Variants in PLSCR4 observed in about 807,000 individuals in gnomAD.
The protein encoded by PLSCR4 is phospholipid scramblase 4.
A neutral mutation model predicts 36.3 loss-of-function variants in PLSCR4; 25 were observed. The observed-to-expected ratio is 0.69, with a 90% CI of 0.50 to 0.96. The LOEUF is 0.96. Among genes scored for constraint, PLSCR4 ranks in the 40% least tolerant of loss-of-function variants. The pLI is 0.00. For missense variants in PLSCR4, 408 were observed against 414.7 expected, an observed-to-expected ratio of 0.98 and a Z score of 0.14; for synonymous variants, 122 against 132.9, an observed-to-expected ratio of 0.92 and a Z score of 0.56.
intron 6 of PLSCR4, among the ~76,000 whole-genome samples, chr3:146,197,106 A>G (rs761419828): frequency 1.3e-5 from 2 of 152,174 alleles, no homozygotes; most frequent in Admixed American, 6.6e-5. Context: ...TCTGAAAAAT[A>G]TAAGTATTTT....
chr3:146,249,227 T>G (rs895835295), intron 1 of PLSCR4, among the ~76,000 whole-genome samples: 7 of 152,114 alleles, frequency 4.6e-5, no homozygotes, highest in Admixed American at 6.5e-5. Flanking sequence ...CCACATGCAA[T>G]GTGCACAAAT....
intron 1 of PLSCR4, among the ~76,000 whole-genome samples, chr3:146,222,611 A>C (rs1198695995): frequency 6.6e-6 from 1 of 152,190 alleles, no homozygotes; most frequent in African/African-American, 2.4e-5. Context: ...AGGGAGGAAA[A>C]GAGAAAGTGG....
At chr3:146,249,442 A>G (rs2036465404) in intron 1 of PLSCR4, among the ~76,000 whole-genome samples, 1 of 152,110 alleles carries the variant, frequency 6.6e-6, no homozygotes, top group South Asian at 2.1e-4. Context: ...ATGTATGCTT[A>G]TCAAATGCCA....
intron 1 of PLSCR4, among the ~76,000 whole-genome samples, chr3:146,244,907 GA>G (rs1279626528): frequency 3.9e-5 from 6 of 152,054 alleles, no homozygotes. Context: ...AACGTAAATT[GA>G]AAACTTTCTA....
chr3:146,205,607 T>C (rs1157347635), intron 4 of PLSCR4, among the ~76,000 whole-genome samples: 2 of 152,078 alleles, frequency 1.3e-5, no homozygotes, highest in African/African-American at 4.8e-5. Context: ...CTGTATACTA[T>C]GGATAACATC....
At chr3:146,232,526 T>G (rs1396231995) in intron 1 of PLSCR4, among the ~76,000 whole-genome samples, 1 of 152,188 alleles carries the variant, frequency 6.6e-6, no homozygotes, top group Non-Finnish European at 1.5e-5. Context: ...TCAGCAGTGT[T>G]TTGTAATTCT....
intron 1 of PLSCR4, among the ~76,000 whole-genome samples, chr3:146,228,150 T>C (rs1332499210): frequency 2.6e-5 from 4 of 152,306 alleles, no homozygotes; most frequent in Admixed American, 2.0e-4. Flanking sequence ...CTGTGAAGAC[T>C]AAAACAATTA....
intron 3 of PLSCR4, among the ~76,000 whole-genome samples, chr3:146,212,484 T>C (rs2034678027): frequency 6.8e-6 from 1 of 147,502 alleles, no homozygotes; most frequent in Admixed American, 6.9e-5. Flanking sequence ...AGGGTCTCAG[T>C]CTGTCACCCA....
At chr3:146,239,359 G>C (rs1323642764) in intron 1 of PLSCR4, among the ~76,000 whole-genome samples, 1 of 152,086 alleles carries the variant, frequency 6.6e-6, no homozygotes, top group African/African-American at 2.4e-5. Flanking sequence ...AAACAGTATG[G>C]CATTGGTCCA....
rs778244920 is a variant in PLSCR4, at chr3:146,194,432, A to G, written c.969T>C (p.Ser323=). The change falls in exon 9 of 9, where the codon TCT becomes TCC. Residue 323 remains serine (S), a synonymous_variant. Coordinates refer to ENST00000354952, the MANE Select transcript of PLSCR4 (RefSeq NM_020353.3). ...FLIDFMYFER[S]PPQRSR ...CTCTCTATCTTGAACGTTGTGGTGG[A>G]GATCTTTCAAAATACATGAAGTCCT... is the stretch of plus-strand genomic sequence containing the variant. 3.7e-6 allele frequency: 6 copies of G among 1,606,594 alleles called. No individual in the cohort carries two copies. The highest frequency in any genetic ancestry group is 5.1e-6 in the Non-Finnish European group (6 of 1,173,446).
chr3:146,245,085 T>C (rs550901354), intron 1 of PLSCR4, among the ~76,000 whole-genome samples: 3 of 152,068 alleles, frequency 2.0e-5, no homozygotes, highest in Non-Finnish European at 4.4e-5. Context: ...TGTGAGAGAA[T>C]AGCAAGAGAA....
chr3:146,240,045 C>T (rs1028090210), intron 1 of PLSCR4, among the ~76,000 whole-genome samples: 1 of 151,976 alleles, frequency 6.6e-6, no homozygotes, highest in East Asian at 1.9e-4. Flanking sequence ...AAATTGGACT[C>T]ATAAAAATTT....
chr3:146,244,894 G>C (rs2036282684), intron 1 of PLSCR4, among the ~76,000 whole-genome samples: 1 of 152,080 alleles, frequency 6.6e-6, no homozygotes, highest in Non-Finnish European at 1.5e-5. Flanking sequence ...GATGAATCTA[G>C]GCAACGTAAA....
chr3:146,237,307 A>G (rs897618921), intron 1 of PLSCR4, among the ~76,000 whole-genome samples: 16 of 152,174 alleles, frequency 1.1e-4, no homozygotes, highest in Admixed American at 6.5e-5. Flanking sequence ...TGCACATCAC[A>G]ATACAGCCTG....
At chr3:146,229,401 A>G (rs2035605991) in intron 1 of PLSCR4, among the ~76,000 whole-genome samples, 1 of 152,028 alleles carries the variant, frequency 6.6e-6, no homozygotes, top group Admixed American at 6.6e-5. Context: ...TCATGCCAGT[A>G]TAATAAAATC....
At position 146,199,861 on chromosome 3, in the gene PLSCR4, G is replaced by A; in HGVS notation, c.576C>T (p.Pro192=). ...MGREIMTMQR[P]FRCTCCCFCC... is the part of the protein sequence containing the mutation. ...AGAAGCAACAGCAGGTGCATCTGAA[G>A]GGTCTCTGCATTGTCATGATTTCTC... The change falls in exon 6 of 9, where the codon CCC becomes CCT. Residue 192 remains proline, a synonymous_variant. Transcript: ENST00000354952. The A allele has an allele frequency of 6.2e-7, 1 of 1,613,530 alleles. No individual in the cohort carries two copies. Among genetic ancestry groups the A allele is most frequent in the South Asian group, 1.1e-5 (1 of 91,064 alleles).
At position 146,194,251 on chromosome 3, in the gene PLSCR4, G is replaced by T. The variant is rs2033580653; in HGVS notation, c.*160C>A. ...CAATTGAAACACACTTTTAGATTGT[G>T]TTCTTGCAAGCCCACTCTCAGCTGT... On this transcript the variant is annotated 3_prime_UTR_variant, in exon 9 of 9. Transcript: ENST00000354952. 3 of 610,686 alleles carry T rather than the reference G, an allele frequency of 4.9e-6. No individual in the cohort carries two copies. The Admixed American group carries it at 8.6e-5, about 18-fold the overall frequency. 37.8% of individuals were successfully genotyped at this position (610,686 alleles called of 1,614,324 possible).
intron 1 of PLSCR4, among the ~76,000 whole-genome samples, chr3:146,248,014 G>A (rs888365849): frequency 6.6e-6 from 1 of 152,178 alleles, no homozygotes. Flanking sequence ...TGAAGAATGA[G>A]TACTATAAAA....
At chr3:146,229,592 CATTTATTTATTTATTT>C (rs202235802) in intron 1 of PLSCR4, among the ~76,000 whole-genome samples, 24 of 57,318 alleles carry the variant, frequency 4.2e-4, no homozygotes, top group Admixed American at 2.5e-3. Flanking sequence ...TTTTATTTTT[CATTTATTTATTTATTT>C]ATTTATTTAT....
Sources: allele counts gnomAD v4.1 joint callset (sites outside exome capture counted in the v4.1 genomes callset), GRCh38; gene constraint gnomAD v4.1.1; transcripts MANE v1.5; gene names NCBI Gene and HGNC (gene_info 2026-07-23, HGNC 2026-07-21).